The following AKNAD1 variants were observed in gnomAD, a reference collection of about 807,000 sequenced individuals.
AKNAD1 encodes AKNA domain containing 1.
A neutral mutation model predicts 90.8 loss-of-function variants in AKNAD1; 67 were observed. That is an observed-to-expected ratio of 0.74 (90% confidence interval 0.61 to 0.90). The LOEUF (loss-of-function observed/expected upper bound fraction) is 0.90. Among genes scored for constraint, AKNAD1 ranks in the 40% least tolerant of loss-of-function variants. The probability of loss-of-function intolerance (pLI) is 0.00; values close to 1 mark genes in which losing one functional copy is unlikely to be tolerated. For synonymous variants in AKNAD1, 327 were observed against 341.4 expected, an observed-to-expected ratio of 0.96 and a Z score of 0.46; for missense variants, 957 against 975.4, an observed-to-expected ratio of 0.98 and a Z score of 0.25.
intron 9 of AKNAD1, among the ~76,000 whole-genome samples, chr1:108,833,055 G>GGA (rs1664258124): frequency 6.6e-6 from 1 of 151,976 alleles, no homozygotes; most frequent in Non-Finnish European, 1.5e-5. Context: ...TCAAAGAACT[G>GGA]GAAAAAACTA....
At chr1:108,817,008 C>A in intron 15 of AKNAD1, 40 bp downstream of exon 15, 1 of 1,608,220 alleles carries the variant, frequency 6.2e-7, no homozygotes, top group Middle Eastern at 1.7e-4. Flanking sequence ...ATCAAACTTA[C>A]GAGCTGCAAT....
intron 9 of AKNAD1, 122 bp from the exon 10 acceptor site, chr1:108,830,772 T>G: frequency 1.2e-6 from 1 of 827,402 alleles, no homozygotes; most frequent in Non-Finnish European, 2.0e-6. Context: ...GCAGAGAGAC[T>G]CGCCAAACCT....
intron 9 of AKNAD1, chr1:108,830,869 G>A (rs1664176997): frequency 1.0e-5 from 6 of 592,322 alleles, no homozygotes; most frequent in Middle Eastern, 4.5e-4. Context: ...TCACTCAGTC[G>A]GGGCTGCGCC....
intron 13 of AKNAD1, 63 bp from the exon 14 acceptor site, chr1:108,820,689 G>T: frequency 2.3e-6 from 2 of 877,652 alleles, no homozygotes; most frequent in Non-Finnish European, 3.7e-6. Context: ...TGGTGCCTAT[G>T]TATCATTCCT....
intron 13 of AKNAD1, 74 bp downstream of exon 13, chr1:108,823,296 G>A: frequency 8.4e-7 from 1 of 1,186,560 alleles, no homozygotes; most frequent in Non-Finnish European, 1.3e-6. Context: ...GCAGTGGCCA[G>A]TGTCATGTGA....
chr1:108,848,626 T>G, intron 5 of AKNAD1, 126 bp downstream of exon 5: 1 of 838,088 alleles, frequency 1.2e-6, no homozygotes, highest in South Asian at 1.8e-5. Flanking sequence ...ACAAAGATGG[T>G]TTAATCTTTA....
At chr1:108,856,251 T>A (rs1468534451) in intron 1 of AKNAD1, among the ~76,000 whole-genome samples, 1 of 152,154 alleles carries the variant, frequency 6.6e-6, no homozygotes, top group African/African-American at 2.4e-5. Context: ...GTCCCAAAGT[T>A]ATCCTCATGC....
intron 9 of AKNAD1, 76 bp from the exon 10 acceptor site, chr1:108,830,726 C>A (rs980698475): frequency 2.1e-6 from 3 of 1,451,032 alleles, no homozygotes; most frequent in Admixed American, 1.7e-5. Flanking sequence ...CACAGCCCAG[C>A]AAGCAGCTGA....
At chr1:108,842,787 G>T (rs1211207709) in intron 6 of AKNAD1, among the ~76,000 whole-genome samples, 1 of 152,128 alleles carries the variant, frequency 6.6e-6, no homozygotes, top group Non-Finnish European at 1.5e-5. Flanking sequence ...GCCCTCTGTG[G>T]TTATCATGTG....
Position 108,835,023 on chromosome 1 carries a change from G to T in AKNAD1, c.1570C>A (p.Pro524Thr). 4 of 1,572,026 alleles carry T rather than the reference G, an allele frequency of 2.5e-6. No homozygotes were observed. Among genetic ancestry groups the T allele is most frequent in the Non-Finnish European group, 3.4e-6 (4 of 1,165,384 alleles). Reference sequence around the variant, plus strand: ...ACCTCACTCCCACCTGAGCCTCGAGGCCCAGAAGGGTGGCCGGGGTGCTCC... The same window carrying T: ...ACCTCACTCCCACCTGAGCCTCGAGTCCCAGAAGGGTGGCCGGGGTGCTCC... ...PKEHPGHPSGPRGSGGSEVTG... is the reference protein window; with the variant it reads ...PKEHPGHPSGTRGSGGSEVTG... Residue 524 changes from proline (P) to threonine (T), a missense_variant, in exon 8 of 16, where the codon CCT becomes ACT. By Grantham distance (38) the Pro-to-Thr change is conservative. Transcript: ENST00000370001.
intron 14 of AKNAD1, among the ~76,000 whole-genome samples, chr1:108,819,622 T>C (rs1371409401): frequency 2.0e-5 from 3 of 150,874 alleles, no homozygotes; most frequent in Admixed American, 1.3e-4. Flanking sequence ...AAAAAAAATT[T>C]TTTTTTAACT....
chr1:108,823,664 C>G lies in AKNAD1; in HGVS notation c.1961G>C (p.Cys654Ser), dbSNP rs7522157. 105 of 1,613,756 alleles carry G rather than the reference C, an allele frequency of 6.5e-5. No individual in the cohort carries two copies. The African/African-American group carries it at 1.2e-3, about 18-fold the overall frequency. Residue 654 changes from cysteine (C) to serine (S), a missense_variant, in exon 12 of 16, where the codon TGT (cysteine) becomes TCT (serine). Coordinates refer to ENST00000370001, the MANE Select transcript of AKNAD1 (RefSeq NM_152763.5). ...TPNSDTGHSF[C>S]SDSGTEMQSN... Reference sequence around the variant, plus strand: ...CTGCATTTCAGTGCCAGAATCAGAACAGAAGCTGTGTCCTGTATCAGAATC... The same window carrying G: ...CTGCATTTCAGTGCCAGAATCAGAAGAGAAGCTGTGTCCTGTATCAGAATC...
At chr1:108,817,882 G>C (rs1406539956) in intron 14 of AKNAD1, among the ~76,000 whole-genome samples, 1 of 152,176 alleles carries the variant, frequency 6.6e-6, no homozygotes, top group Admixed American at 6.5e-5. Flanking sequence ...CTTGGGTTGA[G>C]TTCATTCTGG....
At chr1:108,827,814 A>AAG (rs1664058479) in intron 10 of AKNAD1, among the ~76,000 whole-genome samples, 1 of 27,592 alleles carries the variant, frequency 3.6e-5, no homozygotes. Flanking sequence ...ACTCCTACTC[A>AAG]AAAAAAAAAA....
intron 7 of AKNAD1, among the ~76,000 whole-genome samples, chr1:108,836,100 A>G (rs562434751): frequency 3.8e-4 from 58 of 152,282 alleles, no homozygotes; most frequent in Non-Finnish European, 7.2e-4. Context: ...ACTTACCACA[A>G]AGTTATTTAG....
In AKNAD1 at chr1:108,835,055, A is replaced by G; in HGVS notation, c.1538T>C (p.Ile513Thr). The G allele has an allele frequency of 6.4e-7, 1 of 1,573,576 alleles. No individual in the cohort carries two copies. Among genetic ancestry groups the G allele is most frequent in the Non-Finnish European group, 8.6e-7 (1 of 1,165,274 alleles). The part of the protein sequence containing the change: ...ASTFSSLSNE[I>T]PKEHPGHPSG... ...AGGGTGGCCGGGGTGCTCCTTGGGA[A>G]TCTGGGGGAGCCACACAGAAAGACT... Residue 513 changes from isoleucine (I) to threonine (T), a missense_variant and splice_region_variant, in exon 8 of 16, where the codon ATT (isoleucine) becomes ACT (threonine). Physicochemically the swap from Ile to Thr is moderately conservative, Grantham distance 89. Transcript: ENST00000370001.
chr1:108,820,688 T>G, intron 13 of AKNAD1, 62 bp from the exon 14 acceptor site: 1 of 885,736 alleles, frequency 1.1e-6, no homozygotes, highest in Non-Finnish European at 1.8e-6. Flanking sequence ...ATGGTGCCTA[T>G]GTATCATTCC....
chr1:108,816,773 G>A (rs572206096), intron 15 of AKNAD1: 1 of 402,226 alleles, frequency 2.5e-6, no homozygotes, highest in East Asian at 5.1e-5. Flanking sequence ...CAGACCCAGT[G>A]CCTTCAACCC....
chr1:108,835,627 A>T (rs1664356599), intron 7 of AKNAD1, among the ~76,000 whole-genome samples: 1 of 145,132 alleles, frequency 6.9e-6, no homozygotes, highest in South Asian at 2.2e-4. Flanking sequence ...TGTTAATTTA[A>T]TTTTTTTTTT....
Sources: allele counts gnomAD v4.1 joint callset (sites outside exome capture counted in the v4.1 genomes callset), GRCh38; gene constraint gnomAD v4.1.1; transcripts MANE v1.5; gene names NCBI Gene and HGNC (gene_info 2026-07-23, HGNC 2026-07-21).